The following SUN1 variants were observed in gnomAD, a reference collection of about 807,000 sequenced individuals.
SUN1 encodes SUN domain-containing protein 1.
SUN1 carries 61 observed loss-of-function variants against 103.2 expected under a neutral mutation model. The ratio of observed to expected loss-of-function variants is 0.59; its 90% CI spans 0.48 to 0.73. The LOEUF (loss-of-function observed/expected upper bound fraction) is 0.73, where lower values mean the gene tolerates loss of function less well. Among genes scored for constraint, SUN1 ranks in the 30% least tolerant of loss-of-function variants. The probability of loss-of-function intolerance (pLI) is 0.00; values close to 1 mark genes in which losing one functional copy is unlikely to be tolerated. For missense variants in SUN1, 1,052 were observed against 1,034.6 expected, an observed-to-expected ratio of 1.02 and a Z score of -0.23; for synonymous variants, 490 against 425.7, an observed-to-expected ratio of 1.15 and a Z score of -1.86.
intron 1 of SUN1, among the ~76,000 whole-genome samples, chr7:819,515 T>G (rs1784026413): frequency 6.6e-6 from 1 of 152,160 alleles, no homozygotes; most frequent in South Asian, 2.1e-4. Flanking sequence ...TTCATTCTTG[T>G]GTATGATGTG....
intron 4 of SUN1, 23 bp downstream of exon 4, chr7:843,255 C>G (rs111665519): frequency 0.018 from 28,581 of 1,607,078 alleles, 313 homozygotes; most frequent in Non-Finnish European, 0.021. Flanking sequence ...GTCCTTTTAT[C>G]TTCATATACT....
chr7:819,734 A>T (rs1347145607), intron 1 of SUN1, among the ~76,000 whole-genome samples: 2 of 130,664 alleles, frequency 1.5e-5, no homozygotes, highest in East Asian at 4.3e-4. Flanking sequence ...TTTGAGATGG[A>T]ATCTTGCCCT....
chr7:827,035 G>GTTT (rs1792793824), intron 1 of SUN1, among the ~76,000 whole-genome samples: 1 of 152,042 alleles, frequency 6.6e-6, no homozygotes, highest in Non-Finnish European at 1.5e-5. Context: ...TTTTGTTTTT[G>GTTT]TTTTTGAGAT....
At chr7:853,774 A>C (rs1178675098) in intron 10 of SUN1, among the ~76,000 whole-genome samples, 156 bp downstream of exon 10, 1 of 152,158 alleles carries the variant, frequency 6.6e-6, no homozygotes, top group Admixed American at 6.5e-5. Context: ...TGTGCCGGAG[A>C]GGGAGTGGGT....
At position 852,846 on chromosome 7, in the gene SUN1, C is replaced by T. The variant is rs1445945190; in HGVS notation, c.947C>T (p.Ser316Leu). Residue 316 changes from serine (S) to leucine (L), a missense_variant, in exon 9 of 19, where the codon TCG becomes TTG. This residue lies in a region of SUN1 where 846 missense variants were observed against 774.5 expected (regional missense o/e 1.09). Coordinates refer to ENST00000401592, the MANE Select transcript of SUN1 (RefSeq NM_001130965.3). ...TTACGGGGCCAGGGCAATTTCTTTT[C>T]GTTCTTGCCCGTGTTGAACTGGGCA... ...LSLRGQGNFFSFLPVLNWASM... is the reference protein window; with the variant it reads ...LSLRGQGNFFLFLPVLNWASM... 8 of 1,613,576 alleles carry T rather than the reference C, an allele frequency of 5.0e-6. No individual in the cohort carries two copies. The highest frequency in any genetic ancestry group is 2.7e-5 in the African/African-American group (2 of 74,896).
chr7:839,269 G>C, intron 2 of SUN1: 1 of 337,480 alleles, frequency 3.0e-6, no homozygotes, highest in Non-Finnish European at 5.3e-6. Flanking sequence ...CCAGCACTCA[G>C]GTCTGGAAGC....
At chr7:872,300 C>A (rs1183951842) in intron 17 of SUN1, among the ~76,000 whole-genome samples, 170 bp from the exon 18 acceptor site, 1 of 152,142 alleles carries the variant, frequency 6.6e-6, no homozygotes, top group East Asian at 1.9e-4. Flanking sequence ...ACAAAACACA[C>A]CCCTTCCTTC....
intron 5 of SUN1, chr7:848,710 C>A: frequency 2.4e-6 from 2 of 834,362 alleles, no homozygotes; most frequent in Non-Finnish European, 3.3e-6. Context: ...TCCCTCGCTG[C>A]CTCCTCCTGT....
At chr7:839,549 C>CCCAGTTCATTCTTT (rs1399157020) in intron 2 of SUN1, among the ~76,000 whole-genome samples, 6 of 118,136 alleles carry the variant, frequency 5.1e-5, no homozygotes, top group African/African-American at 9.4e-5. Flanking sequence ...CCACGCCTGG[C>CCCAGTTCATTCTTT]AAATTTTCCT....
chr7:870,870 T>A (rs576926506), intron 17 of SUN1, among the ~76,000 whole-genome samples: 1 of 149,598 alleles, frequency 6.7e-6, no homozygotes, highest in Admixed American at 6.9e-5. Context: ...TACTAGCATT[T>A]TCTTTTTATT....
intron 1 of SUN1, among the ~76,000 whole-genome samples, chr7:823,871 A>G (rs1013313766): frequency 6.6e-6 from 1 of 152,218 alleles, no homozygotes; most frequent in African/African-American, 2.4e-5. Flanking sequence ...CCTGCCTGAC[A>G]TCCAGGCGGA....
chr7:839,338 A>G (rs1426448437), intron 2 of SUN1, among the ~76,000 whole-genome samples: 1 of 152,258 alleles, frequency 6.6e-6, no homozygotes. Flanking sequence ...GTAAAGAGGA[A>G]GGAATCTTAC....
chr7:841,937 T>A lies in SUN1; in HGVS notation c.267-9T>A, dbSNP rs921546955. ...GATCTATAAACTTGCTGTTTTTTTT[T>A]CTTCTTAGAACAACAAAACAGCGCA... On this transcript the variant is annotated splice_polypyrimidine_tract_variant and intron_variant, in intron 2 of 18. Transcript: ENST00000401592. The A allele has an allele frequency of 2.5e-6, 4 of 1,613,436 alleles. No homozygotes were observed. Among genetic ancestry groups the A allele is most frequent in the Non-Finnish European group, 3.4e-6 (4 of 1,179,794 alleles).
intron 17 of SUN1, among the ~76,000 whole-genome samples, chr7:870,616 G>T (rs940748037): frequency 6.6e-6 from 1 of 152,082 alleles, no homozygotes; most frequent in African/African-American, 2.4e-5. Context: ...AGAGGAAATT[G>T]TATTATGAGC....
intron 16 of SUN1, chr7:868,388 T>TGC: frequency 3.8e-6 from 1 of 265,100 alleles, no homozygotes; most frequent in South Asian, 3.6e-5. Context: ...CAGGCCGACC[T>TGC]TGCCAGGCTG....
intron 13 of SUN1, 59 bp from the exon 14 acceptor site, chr7:860,069 G>T: frequency 6.3e-7 from 1 of 1,590,434 alleles, no homozygotes; most frequent in Non-Finnish European, 8.6e-7. Context: ...TAATGGACCC[G>T]AACAGTGGAA....
chr7:823,608 C>T (rs919906049), intron 1 of SUN1, among the ~76,000 whole-genome samples: 1 of 152,136 alleles, frequency 6.6e-6, no homozygotes, highest in African/African-American at 2.4e-5. Context: ...AGCATTTGCA[C>T]CAGTGCCGTG....
At chr7:834,861 A>AG (rs1801473123) in intron 1 of SUN1, among the ~76,000 whole-genome samples, 1 of 152,076 alleles carries the variant, frequency 6.6e-6, no homozygotes, top group African/African-American at 2.4e-5. Context: ...GGATCACTTG[A>AG]GGTAAAGAGT....
intron 5 of SUN1, chr7:849,731 C>A: frequency 8.7e-7 from 1 of 1,143,294 alleles, no homozygotes; most frequent in African/African-American, 1.5e-5. Flanking sequence ...TGACGACGGG[C>A]TGTTGGAGCT....
Sources: gnomAD v4.1 joint callset for allele counts (sites outside exome capture counted in the v4.1 genomes callset) on GRCh38, gnomAD v4.1.1 for gene constraint, gnomAD v4.1.1 regional missense constraint, MANE v1.5 for transcripts, NCBI Gene and HGNC (gene_info 2026-07-23, HGNC 2026-07-21) for gene names.